The following GPHN variants were observed in gnomAD, a reference collection of about 807,000 sequenced individuals.
GPHN encodes gephyrin.
A neutral mutation model predicts 95.5 loss-of-function variants in GPHN; 17 were observed. The ratio of observed to expected loss-of-function variants is 0.18; its 90% CI spans 0.12 to 0.27. GPHN has a LOEUF of 0.27. Ranked by LOEUF, GPHN falls within the 10% of genes least tolerant of loss-of-function variation. The pLI is 1.00. For synonymous variants in GPHN, 320 were observed against 322.5 expected (o/e 0.99, Z 0.08); for missense variants, 660 against 978.1 (o/e 0.67, Z 4.34).
At chr14:66,685,164 G>C (rs1262409173) in intron 2 of GPHN, among the ~76,000 whole-genome samples, 1 of 152,158 alleles carries the variant, frequency 6.6e-6, no homozygotes, top group Non-Finnish European at 1.5e-5. Context: ...GGACATTTGG[G>C]TTGGTTCCAA....
At chr14:67,320,445 C>G in the GPHN span, 72 of 1,483,848 alleles carry the variant, frequency 4.9e-5, no homozygotes, top group Non-Finnish European at 5.9e-5. Context: ...AATTTACCAG[C>G]TCAGAACCTA....
intron 5 of GPHN, among the ~76,000 whole-genome samples, chr14:66,891,735 C>A (rs897866745): frequency 6.6e-6 from 1 of 151,642 alleles, no homozygotes; most frequent in Non-Finnish European, 1.5e-5. Flanking sequence ...ACATATCTGG[C>A]AAGGTATTAA....
At chr14:67,250,921 G>A in the GPHN span, among the ~76,000 whole-genome samples, 19 of 152,150 alleles carry the variant, frequency 1.2e-4, no homozygotes, top group Non-Finnish European at 2.2e-4. Context: ...ATCCCTCGCT[G>A]TGTCTCTTAA....
At chr14:66,801,333 T>A (rs2060339211) in intron 3 of GPHN, among the ~76,000 whole-genome samples, 1 of 152,194 alleles carries the variant, frequency 6.6e-6, no homozygotes, top group Admixed American at 6.5e-5. Context: ...TTTGTACTCA[T>A]CCTTCTTGGG....
At chr14:66,603,794 C>T (rs1168038081) in intron 1 of GPHN, among the ~76,000 whole-genome samples, 2 of 151,754 alleles carry the variant, frequency 1.3e-5, no homozygotes, top group Non-Finnish European at 2.9e-5. Context: ...CTACATAGGT[C>T]AGTTGTAGTT....
the GPHN span, among the ~76,000 whole-genome samples, chr14:67,380,116 CTT>C: frequency 6.6e-6 from 1 of 152,136 alleles, no homozygotes; most frequent in Non-Finnish European, 1.5e-5. Context: ...TGCTACTCCT[CTT>C]TTAGTCTTTA....
chr14:67,095,966 C>CAAAAAAAAAAAAAAAAAAAAAAAAGGA, intron 12 of GPHN, among the ~76,000 whole-genome samples: 1 of 67,086 alleles, frequency 1.5e-5, no homozygotes, highest in Non-Finnish European at 3.6e-5. Context: ...AAGAAAAAGG[C>CAAAAAAAAAAAAAAAAAAAAAAAAGGA]AAAAAAAAAA....
At chr14:67,262,942 T>C in the GPHN span, among the ~76,000 whole-genome samples, 1 of 152,184 alleles carries the variant, frequency 6.6e-6, no homozygotes, top group East Asian at 1.9e-4. Flanking sequence ...ATAAATTACC[T>C]TTTATCCTAG....
At chr14:66,799,813 T>G (rs2060280773) in intron 3 of GPHN, among the ~76,000 whole-genome samples, 2 of 152,058 alleles carry the variant, frequency 1.3e-5, no homozygotes, top group South Asian at 4.1e-4. Context: ...ACATTCAGTG[T>G]TATTATTGAT....
intron 2 of GPHN, among the ~76,000 whole-genome samples, chr14:66,749,266 T>C (rs2058279158): frequency 6.6e-6 from 1 of 151,994 alleles, no homozygotes; most frequent in Admixed American, 6.6e-5. Context: ...CTTCGTTGTT[T>C]ACAAGTTTTG....
the GPHN span, among the ~76,000 whole-genome samples, chr14:67,329,867 TAAATAAATAAATA>T: frequency 0.16 from 23,338 of 150,310 alleles, 3,449 homozygotes; most frequent in East Asian, 0.42. Context: ...AATAAATAAA[TAAATAAATAAATA>T]GATATAGAAA....
At chr14:66,898,494 T>C (rs1178430848) in intron 5 of GPHN, among the ~76,000 whole-genome samples, 1 of 121,860 alleles carries the variant, frequency 8.2e-6, no homozygotes. Context: ...AAAAAAAAGC[T>C]ACCTTTCCTC....
chr14:67,412,874 G>A, the GPHN span, among the ~76,000 whole-genome samples: 1 of 152,030 alleles, frequency 6.6e-6, no homozygotes, highest in African/African-American at 2.4e-5. Flanking sequence ...AGATCCTCCT[G>A]CCTCAGCTCC....
the GPHN span, among the ~76,000 whole-genome samples, chr14:67,521,096 A>G: frequency 0.012 from 1,815 of 152,368 alleles, 40 homozygotes; most frequent in African/African-American, 0.042. Flanking sequence ...TCAAGAAAGC[A>G]GCAAGAGGCT....
At chr14:67,244,944 A>C in the GPHN span, among the ~76,000 whole-genome samples, 1 of 152,186 alleles carries the variant, frequency 6.6e-6, no homozygotes, top group African/African-American at 2.4e-5. Flanking sequence ...GGAAAGAGAG[A>C]GGCAGAAGAG....
At chr14:67,336,513 T>G in the GPHN span, 1 of 307,412 alleles carries the variant, frequency 3.3e-6, no homozygotes, top group African/African-American at 2.2e-5. Context: ...GTCCTTTGGC[T>G]TGTTGCTTTA....
chr14:66,549,510 C>T (rs975963430), intron 1 of GPHN, among the ~76,000 whole-genome samples: 2 of 151,986 alleles, frequency 1.3e-5, no homozygotes, highest in Non-Finnish European at 2.9e-5. Flanking sequence ...GAGGTTGATT[C>T]GTGAGGTATA....
chr14:67,550,377 C>T, the GPHN span, among the ~76,000 whole-genome samples: 1 of 152,272 alleles, frequency 6.6e-6, no homozygotes, highest in African/African-American at 2.4e-5. Flanking sequence ...TTAGTAGAGA[C>T]AAGGTTTCAA....
chr14:66,987,246 A>G (rs1038193903), intron 9 of GPHN, among the ~76,000 whole-genome samples: 1 of 152,114 alleles, frequency 6.6e-6, no homozygotes, highest in Non-Finnish European at 1.5e-5. Context: ...GGTTTAAACT[A>G]TGGATTATGA....
Sources: allele counts gnomAD v4.1 joint callset (sites outside exome capture counted in the v4.1 genomes callset), GRCh38; gene constraint gnomAD v4.1.1; transcripts MANE v1.5; gene names NCBI Gene and HGNC (gene_info 2026-07-23, HGNC 2026-07-21).